The following WASF3 variants were observed in gnomAD, a reference collection of about 807,000 sequenced individuals.
WASF3 encodes the protein actin-binding protein WASF3.
In WASF3, 11 loss-of-function variants were observed where a neutral mutation model predicts 46.6. That is an observed-to-expected ratio of 0.24 (90% CI 0.15 to 0.39). The LOEUF (loss-of-function observed/expected upper bound fraction) is 0.39, where lower values mean the gene tolerates loss of function less well. Ranked by LOEUF, WASF3 falls within the 10% of genes least tolerant of loss-of-function variation. The pLI is 1.00. For missense variants in WASF3, 576 were observed against 669.8 expected (o/e 0.86, Z 1.55); for synonymous variants, 242 against 259.7 (o/e 0.93, Z 0.65).
At chr13:26,624,225 T>C (rs957112631) in intron 2 of WASF3, among the ~76,000 whole-genome samples, 1 of 152,212 alleles carries the variant, frequency 6.6e-6, no homozygotes, top group African/African-American at 2.4e-5. Flanking sequence ...GAAAAATGTA[T>C]TGAGAAAAGT....
intron 3 of WASF3, among the ~76,000 whole-genome samples, chr13:26,652,485 A>G (rs530809102): frequency 2.0e-5 from 3 of 152,332 alleles, no homozygotes; most frequent in Admixed American, 2.0e-4. Flanking sequence ...GTAAGGATAT[A>G]GGGGGTTTGA....
At chr13:26,621,113 TC>T (rs900560472) in intron 2 of WASF3, among the ~76,000 whole-genome samples, 1 of 152,100 alleles carries the variant, frequency 6.6e-6, no homozygotes, top group Non-Finnish European at 1.5e-5. Flanking sequence ...CATCTCCCAT[TC>T]CCCACTGAGA....
At chr13:26,633,200 CTTTTTT>C (rs58237286) in intron 2 of WASF3, among the ~76,000 whole-genome samples, 9 of 90,436 alleles carry the variant, frequency 1.0e-4, no homozygotes, top group African/African-American at 3.3e-4. Context: ...TTAGTTATTT[CTTTTTT>C]TTTTTTTTTT....
chr13:26,612,578 A>C (rs1217778805), intron 1 of WASF3, among the ~76,000 whole-genome samples: 1 of 152,248 alleles, frequency 6.6e-6, no homozygotes, highest in Non-Finnish European at 1.5e-5. Flanking sequence ...CTTATTAGCT[A>C]CAGTTCTTAT....
In WASF3 at chr13:26,681,150, C is replaced by T. The variant is rs775265923; in HGVS notation, c.813C>T (p.Asp271=). The part of the protein sequence containing the change: ...QPVTPSYAAG[D]VPPHGPASQA... ...TGACCCCTTCCTATGCAGCTGGTGA[C>T]GTGCCACCACACGGGCCTGCAAGCC... Residue 271 remains aspartate, a synonymous_variant, in exon 8 of 10, where the codon GAC becomes GAT. Coordinates refer to ENST00000335327, the MANE Select transcript of WASF3 (RefSeq NM_006646.6). The T allele has an allele frequency of 1.9e-5, 30 of 1,614,082 alleles. No individual in the cohort carries two copies. Among genetic ancestry groups the T allele is most frequent in the Middle Eastern group, 3.3e-4 (2 of 6,084 alleles).
chr13:26,545,264 G>A, the WASF3 span, among the ~76,000 whole-genome samples: 2 of 152,122 alleles, frequency 1.3e-5, no homozygotes, highest in Non-Finnish European at 2.9e-5. Flanking sequence ...TGTGCTTCAA[G>A]ATTATTTTGG....
chr13:26,675,393 C>T (rs1883033566), intron 6 of WASF3, among the ~76,000 whole-genome samples: 2 of 151,786 alleles, frequency 1.3e-5, no homozygotes. Context: ...GACCCATACT[C>T]CTCTGCAGAA....
At chr13:26,671,730 A>T (rs1882929506) in intron 5 of WASF3, 142 bp from the exon 6 acceptor site, 2 of 484,108 alleles carry the variant, frequency 4.1e-6, no homozygotes, top group East Asian at 3.4e-5. Flanking sequence ...AAGGAAACTT[A>T]AAGACTTAAT....
chr13:26,652,298 T>C lies in WASF3; in HGVS notation c.133+9895T>C, dbSNP rs117869161. On this transcript the variant is annotated intron_variant, in intron 3 of 9. Transcript: ENST00000335327. ...AAAACAGATAAGCCAGGACCTTTAATGGTGATAAAAGAGTCAAGAACACAG... is the reference window on the plus strand; with the variant it reads ...AAAACAGATAAGCCAGGACCTTTAACGGTGATAAAAGAGTCAAGAACACAG... 2.8e-3 allele frequency among the ~76,000 whole-genome samples: 425 copies of C among 152,314 alleles called. 2 individuals carry two copies. Among genetic ancestry groups the C allele is most frequent in the Non-Finnish European group, 4.7e-3 (321 of 68,030 alleles).
At chr13:26,655,725 C>T (rs1322223339) in intron 3 of WASF3, among the ~76,000 whole-genome samples, 1 of 152,120 alleles carries the variant, frequency 6.6e-6, no homozygotes, top group Non-Finnish European at 1.5e-5. Flanking sequence ...TTTACTTGCT[C>T]ATTTATATCA....
At chr13:26,555,760 T>A (rs1879083862), upstream of WASF3, among the ~76,000 whole-genome samples, 1 of 152,248 alleles carries the variant, frequency 6.6e-6, no homozygotes, top group Non-Finnish European at 1.5e-5. Context: ...GCCCTGTGGC[T>A]GTCTCCAGGT....
At chr13:26,672,912 G>T (rs533887892) in intron 6 of WASF3, among the ~76,000 whole-genome samples, 3 of 152,172 alleles carry the variant, frequency 2.0e-5, no homozygotes, top group Non-Finnish European at 4.4e-5. Context: ...AAGACACCAT[G>T]GCTGGTTCCG....
intron 1 of WASF3, chr13:26,577,476 A>G (rs369434934): frequency 6.0e-6 from 6 of 998,938 alleles, no homozygotes; most frequent in Middle Eastern, 2.2e-4. Flanking sequence ...AAAGACATAG[A>G]AAAGACTTGC....
intron 1 of WASF3, among the ~76,000 whole-genome samples, chr13:26,584,696 A>C (rs745571071): frequency 6.6e-6 from 1 of 152,202 alleles, no homozygotes; most frequent in Non-Finnish European, 1.5e-5. Context: ...TTTTATGTTC[A>C]GTTATCTAGG....
At chr13:26,656,288 A>G (rs1439472400) in intron 3 of WASF3, among the ~76,000 whole-genome samples, 1 of 152,216 alleles carries the variant, frequency 6.6e-6, no homozygotes, top group African/African-American at 2.4e-5. Context: ...TCTTAAAACA[A>G]CTGAGTAAAG....
chr13:26,654,899 C>T (rs1334065666), intron 3 of WASF3, among the ~76,000 whole-genome samples: 7 of 152,054 alleles, frequency 4.6e-5, no homozygotes, highest in Admixed American at 2.0e-4. Context: ...GAGGAAAAAA[C>T]TTTAAGCCCA....
At chr13:26,656,802 A>G (rs1882480439) in intron 3 of WASF3, among the ~76,000 whole-genome samples, 1 of 152,122 alleles carries the variant, frequency 6.6e-6, no homozygotes, top group Non-Finnish European at 1.5e-5. Flanking sequence ...ACCATATATA[A>G]TCTATAGTTC....
intron 1 of WASF3, among the ~76,000 whole-genome samples, chr13:26,566,033 A>G (rs1042455199): frequency 1.3e-5 from 2 of 152,338 alleles, no homozygotes; most frequent in African/African-American, 2.4e-5. Context: ...ACATTAAGCT[A>G]TAATTATGGT....
chr13:26,667,159 G>T (rs1882798883), intron 4 of WASF3, among the ~76,000 whole-genome samples: 1 of 152,132 alleles, frequency 6.6e-6, no homozygotes, highest in African/African-American at 2.4e-5. Flanking sequence ...TGTTTGAACG[G>T]TGTTTTCCTT....
Sources: gnomAD v4.1 joint callset for allele counts (sites outside exome capture counted in the v4.1 genomes callset) on GRCh38, gnomAD v4.1.1 for gene constraint, MANE v1.5 for transcripts, NCBI Gene and HGNC (gene_info 2026-07-23, HGNC 2026-07-21) for gene names.